BRIP1: variants seen among roughly 807,000 people sequenced by gnomAD.
The protein encoded by BRIP1 is Fanconi anemia group J protein.
Under a neutral mutation model 119.7 loss-of-function variants are expected in BRIP1, and 88 were observed. That is an observed-to-expected ratio of 0.74 (90% confidence interval 0.62 to 0.88). The LOEUF (loss-of-function observed/expected upper bound fraction) is 0.88, where lower values mean the gene tolerates loss of function less well. Among genes scored for constraint, BRIP1 ranks in the 40% least tolerant of loss-of-function variants. The pLI, the probability that BRIP1 is intolerant of heterozygous loss-of-function variation, is 0.00. For synonymous variants in BRIP1, 443 were observed against 496.5 expected (o/e 0.89, Z 1.43); for missense variants, 1,259 against 1,455.4 (o/e 0.87, Z 2.20).
Position 61,717,639 on chromosome 17 carries a change from T to G in BRIP1, c.2380-1576A>C, listed in dbSNP as rs1188287110. Reference sequence around the variant, plus strand: ...CCCCTTTCTTTTAGCGACTTTGGATTGGATTACAGTGTGCTGTTGTGTGTA... The same window carrying G: ...CCCCTTTCTTTTAGCGACTTTGGATGGGATTACAGTGTGCTGTTGTGTGTA... On this transcript the variant is annotated intron_variant, in intron 16 of 19. Transcript: ENST00000259008. This position sits in a 1 kb window ranked among gnomAD's most constrained non-coding sequence, Gnocchi z 4.1. 6.6e-6 allele frequency among the ~76,000 whole-genome samples: 1 copy of G among 152,102 alleles called. No individual in the cohort carries two copies. The highest frequency in any genetic ancestry group is 2.4e-5 in the African/African-American group (1 of 41,430).
chr17:61,801,137 C>A (rs114997860), intron 8 of BRIP1, 116 bp downstream of exon 8: 5 of 926,714 alleles, frequency 5.4e-6, no homozygotes, highest in Non-Finnish European at 8.4e-6. Context: ...TATGTTTACA[C>A]AAATTTATTT....
At chr17:61,692,197 A>G (rs1209153187) in intron 18 of BRIP1, among the ~76,000 whole-genome samples, 1 of 152,236 alleles carries the variant, frequency 6.6e-6, no homozygotes, top group East Asian at 1.9e-4. Context: ...CTGCAGAACC[A>G]TAAGCCAAAT....
intron 10 of BRIP1, among the ~76,000 whole-genome samples, chr17:61,788,720 C>T (rs1345586431): frequency 6.6e-6 from 1 of 152,024 alleles, no homozygotes; most frequent in Non-Finnish European, 1.5e-5. Context: ...CTTCAGGAGG[C>T]CGAGGTGGGA....
In BRIP1 at chr17:61,713,524, AT is replaced by A. The variant is rs567797791; in HGVS notation, c.2492+2426del. ...ATACTACATGAGTGTTTATGTCTTC[AT>A]TTTTTTTTTTTTTTGAGATGGAGTC... On this transcript the variant is annotated intron_variant, in intron 17 of 19. Transcript: ENST00000259008. This position sits in a 1 kb window ranked among gnomAD's most constrained non-coding sequence, Gnocchi z 4.9. Among the ~76,000 whole-genome samples the A allele has an allele frequency of 0.041, 5,827 of 141,922 alleles. 126 individuals are homozygous for A. Among genetic ancestry groups the A allele is most frequent in the Middle Eastern group, 0.099 (28 of 282 alleles). 93.1% of individuals were successfully genotyped at this position (141,922 alleles called of 152,430 possible). A position where few individuals can be genotyped will look rare whatever the true frequency, so the allele number is the denominator to read the frequency against.
At position 61,807,097 on chromosome 17, in the gene BRIP1, A is replaced by G. The variant is rs1567836587; in HGVS notation, c.918+1370T>C. Among the ~76,000 whole-genome samples the G allele has an allele frequency of 6.6e-6, 1 of 152,250 alleles. No individual in the cohort carries two copies. Among genetic ancestry groups the G allele is most frequent in the Non-Finnish European group, 1.5e-5 (1 of 68,042 alleles). On this transcript the variant is annotated intron_variant, in intron 7 of 19. Transcript: ENST00000259008. The surrounding 1 kb of genome is among the most constrained non-coding windows in gnomAD (Gnocchi z 4.5). Reference sequence around the variant, plus strand: ...CAGCAAGTCTTCTTGCATAGGCTATATAGCCAAAAAATAAATTTCAAGCAT... The same window carrying G: ...CAGCAAGTCTTCTTGCATAGGCTATGTAGCCAAAAAATAAATTTCAAGCAT...
Position 61,857,336 on chromosome 17 carries a change from G to C in BRIP1, c.206-105C>G, listed in dbSNP as rs897190521. 5 of 1,049,686 alleles carry C rather than the reference G, an allele frequency of 4.8e-6. 1 individual carries two copies. The South Asian group carries it at 8.7e-5, about 18-fold the overall frequency. The allele number at this position is 1,049,686 out of a possible 1,614,324, so 65.0% of individuals were successfully genotyped here. A position where few individuals can be genotyped will look rare whatever the true frequency, so the allele number is the denominator to read the frequency against. The stretch of plus-strand genomic sequence containing the variant: ...GATTGGGAGGTTTCCTAAGATAAAA[G>C]ATTTTTAGGGCTAACACCAGGAAGG... On this transcript the variant is annotated intron_variant, in intron 3 of 19. Coordinates refer to ENST00000259008, the MANE Select transcript of BRIP1 (RefSeq NM_032043.3). The surrounding 1 kb of genome is among the most constrained non-coding windows in gnomAD (Gnocchi z 5.1).
At chr17:61,820,998 A>G (rs1314355196) in intron 6 of BRIP1, among the ~76,000 whole-genome samples, 1 of 151,646 alleles carries the variant, frequency 6.6e-6, no homozygotes, top group East Asian at 1.9e-4. Flanking sequence ...ACAGAGTGGG[A>G]GGGGGCTTGA....
chr17:61,781,450 A>G (rs1469013391), intron 11 of BRIP1, among the ~76,000 whole-genome samples: 1 of 152,162 alleles, frequency 6.6e-6, no homozygotes, highest in Non-Finnish European at 1.5e-5. Context: ...TAGAAGGATA[A>G]TTTTTACTGA....
chr17:61,780,899 G>A lies in BRIP1; in HGVS notation c.1735C>T (p.Arg579Cys), dbSNP rs28997571. ...TGAACTGCAGTTTTCTGTCGTGAAC[G>A]TTTCTTATTTTTTGGTAGAACCAAC... ...GLLVLPKNKK[R>C]SRQKTAVHVL... is the part of the protein sequence containing the mutation. The change falls in exon 12 of 20, where the codon CGT (arginine) becomes TGT (cysteine). Residue 579 changes from arginine (R) to cysteine (C), a missense_variant. This residue lies in a region of BRIP1 where 753 missense variants were observed against 891.8 expected (regional missense o/e 0.84). Coordinates refer to ENST00000259008, the MANE Select transcript of BRIP1 (RefSeq NM_032043.3). This position sits in a 1 kb window ranked among gnomAD's most constrained non-coding sequence, Gnocchi z 5.4. The A allele has an allele frequency of 1.1e-4, 175 of 1,614,102 alleles. No individual in the cohort carries two copies. Among genetic ancestry groups the A allele is most frequent in the African/African-American group, 8.9e-4 (67 of 75,038 alleles).
In BRIP1 at chr17:61,767,356, A is replaced by G. The variant is rs2077387952; in HGVS notation, c.2097+9045T>C. ...CAGTGGTGTGATCACAGCTCACTGC[A>G]GCCTCAAACTTCTGGGCTCAAGCGA... On this transcript the variant is annotated intron_variant, in intron 14 of 19. Transcript: ENST00000259008. The surrounding 1 kb of genome is among the most constrained non-coding windows in gnomAD (Gnocchi z 5.7). 6.6e-6 allele frequency among the ~76,000 whole-genome samples: 1 copy of G among 152,104 alleles called. No homozygotes were observed. Among genetic ancestry groups the G allele is most frequent in the Admixed American group, 6.6e-5 (1 of 15,248 alleles).
rs1192854828 is a variant in BRIP1, at chr17:61,746,470, T to TAGGCTGAA, written c.2098-1887_2098-1880dup. Among the ~76,000 whole-genome samples the TAGGCTGAA allele has an allele frequency of 1.3e-5, 2 of 152,068 alleles. No homozygotes were observed. Among genetic ancestry groups the TAGGCTGAA allele is most frequent in the Non-Finnish European group, 1.5e-5 (1 of 67,964 alleles). On this transcript the variant is annotated intron_variant, in intron 14 of 19. Transcript: ENST00000259008. This position sits in a 1 kb window ranked among gnomAD's most constrained non-coding sequence, Gnocchi z 4.9. ...CTCACTTTAAATTTAAGGATACCCA[T>TAGGCTGAA]AGGCTGAAAGTGAAGGGATAGAAAA...
intron 6 of BRIP1, among the ~76,000 whole-genome samples, chr17:61,837,774 A>G (rs755584944): frequency 6.6e-6 from 1 of 152,100 alleles, no homozygotes; most frequent in Admixed American, 6.5e-5. Flanking sequence ...TTGACATATG[A>G]ATTGTCAGAT....
In BRIP1 at chr17:61,801,375, G is replaced by A. The variant is rs755796609; in HGVS notation, c.1018C>T (p.Leu340Phe). Residue 340 changes from leucine to phenylalanine, a missense_variant, in exon 8 of 20, where the codon CTT (leucine) becomes TTT (phenylalanine). Transcript: ENST00000259008. ...TTTAGTTTCTTCCCCAGGCTGACAAGTTCTTCTATATCCCAGGCTTTGCAC... is the reference window on the plus strand; with the variant it reads ...TTTAGTTTCTTCCCCAGGCTGACAAATTCTTCTATATCCCAGGCTTTGCAC... ...GMCKAWDIEE[L>F]VSLGKKLKAC... The A allele has an allele frequency of 8.1e-6, 13 of 1,613,952 alleles. No individual in the cohort carries two copies. In the East Asian group the frequency reaches 2.5e-4, roughly 30 times the overall value.
At chr17:61,772,903 TAAATC>T (rs2077480023) in intron 14 of BRIP1, among the ~76,000 whole-genome samples, 1 of 126,202 alleles carries the variant, frequency 7.9e-6, no homozygotes, top group East Asian at 2.4e-4. Context: ...ATCAGAAAAA[TAAATC>T]AAAGACCTGC....
chr17:61,787,012 T>TAAATTTA (rs2077728322), intron 10 of BRIP1, among the ~76,000 whole-genome samples: 1 of 117,404 alleles, frequency 8.5e-6, no homozygotes. Context: ...TTTTATAAAA[T>TAAATTTA]TATAATTTTA....
In BRIP1 at chr17:61,703,037, A is replaced by G. The variant is rs2061639939; in HGVS notation, c.2493-9525T>C. ...TCTGACTAGTGCGAGATGTTATCTCATTGTGTATGTATGTGTTTTTTTGTT... is the reference window on the plus strand; with the variant it reads ...TCTGACTAGTGCGAGATGTTATCTCGTTGTGTATGTATGTGTTTTTTTGTT... On this transcript the variant is annotated intron_variant, in intron 17 of 19. Coordinates refer to ENST00000259008, the MANE Select transcript of BRIP1 (RefSeq NM_032043.3). The surrounding 1 kb of genome is among the most constrained non-coding windows in gnomAD (Gnocchi z 5.0). 7.3e-6 allele frequency among the ~76,000 whole-genome samples: 1 copy of G among 136,832 alleles called. No homozygotes were observed. Among genetic ancestry groups the G allele is most frequent in the Admixed American group, 7.8e-5 (1 of 12,872 alleles). The allele number at this position is 136,832 out of a possible 152,430, so 89.8% of individuals were successfully genotyped here. A position where few individuals can be genotyped will look rare whatever the true frequency, so the allele number is the denominator to read the frequency against.
In BRIP1 at chr17:61,831,100, C is replaced by T. The variant is rs993386406; in HGVS notation, c.627+16001G>A. On this transcript the variant is annotated intron_variant, in intron 6 of 19. Transcript: ENST00000259008. The surrounding 1 kb of genome is among the most constrained non-coding windows in gnomAD (Gnocchi z 4.1). Reference sequence around the variant, plus strand: ...ACTCATTATAAAAATGTTCAGCCAACTAGCGATAGAAGGAAACTTCTTTAG... The same window carrying T: ...ACTCATTATAAAAATGTTCAGCCAATTAGCGATAGAAGGAAACTTCTTTAG... Among the ~76,000 whole-genome samples, 3 of 152,192 alleles carry T rather than the reference C, an allele frequency of 2.0e-5. No individual in the cohort carries two copies. Among genetic ancestry groups the T allele is most frequent in the African/African-American group, 7.2e-5 (3 of 41,452 alleles).
rs772957240 is a variant in BRIP1 at position 61,751,033 on chromosome 17, G to A, written c.2098-6442C>T. 6.6e-6 allele frequency among the ~76,000 whole-genome samples: 1 copy of A among 152,174 alleles called. No homozygotes were observed. Among genetic ancestry groups the A allele is most frequent in the Non-Finnish European group, 1.5e-5 (1 of 68,038 alleles). The stretch of plus-strand genomic sequence containing the variant: ...CTAGGATCCAAACAAACAGCTGTAT[G>A]CTGATGTTTATAGAAGCATTATTCC... On this transcript the variant is annotated intron_variant, in intron 14 of 19. Transcript: ENST00000259008. The surrounding 1 kb of genome is among the most constrained non-coding windows in gnomAD (Gnocchi z 6.7).
chr17:61,799,223 G>A lies in BRIP1; in HGVS notation c.1217C>T (p.Ala406Val), dbSNP rs767872861. ...HNIEDCARESASYSVTEVQLR... is the reference protein window; with the variant it reads ...HNIEDCARESVSYSVTEVQLR... ...CTGAACTTCTGTTACACTGTAACTTGCTGATTCCCGAGCACAGTCCTCGAT... is the reference window on the plus strand; with the variant it reads ...CTGAACTTCTGTTACACTGTAACTTACTGATTCCCGAGCACAGTCCTCGAT... The change falls in exon 9 of 20, where the codon GCA becomes GTA. Residue 406 changes from alanine to valine, a missense_variant. By Grantham distance (64) the Ala-to-Val change is moderately conservative. This residue lies in a region of BRIP1 where 501 missense variants were observed against 544.0 expected (regional missense o/e 0.92). Coordinates refer to ENST00000259008, the MANE Select transcript of BRIP1 (RefSeq NM_032043.3). The surrounding 1 kb of genome is among the most constrained non-coding windows in gnomAD (Gnocchi z 5.1). 2.5e-6 allele frequency: 4 copies of A among 1,613,508 alleles called. No homozygotes were observed. In the South Asian group the frequency reaches 4.4e-5, roughly 18 times the overall value.
Sources: allele counts gnomAD v4.1 joint callset (sites outside exome capture counted in the v4.1 genomes callset), GRCh38; gene constraint gnomAD v4.1.1; regional missense constraint gnomAD v4.1.1; non-coding constraint Gnocchi (gnomAD v3.1); transcripts MANE v1.5; gene names NCBI Gene and HGNC (gene_info 2026-07-23, HGNC 2026-07-21).